Variants in PIK3CA observed in about 807,000 individuals in gnomAD.
The protein encoded by PIK3CA is phosphatidylinositol 4,5-bisphosphate 3-kinase catalytic subunit alpha isoform.
In PIK3CA, 27 loss-of-function variants were observed where a neutral mutation model predicts 138.2. The observed-to-expected ratio is 0.20, with a 90% CI of 0.14 to 0.27. The LOEUF is 0.27. Ranked by LOEUF, PIK3CA falls within the 10% of genes least tolerant of loss-of-function variation. PIK3CA has a pLI of 1.00. For synonymous variants in PIK3CA, 358 were observed against 413.2 expected (o/e 0.87, Z 1.62); for missense variants, 544 against 1,277.4 (o/e 0.43, Z 8.75).
chr3:179,181,819 C>G (rs922445916), intron 1 of PIK3CA, among the ~76,000 whole-genome samples: 1 of 151,990 alleles, frequency 6.6e-6, no homozygotes, highest in Non-Finnish European at 1.5e-5. Flanking sequence ...TTATTTTAAC[C>G]TTTAAAGTCT....
intron 1 of PIK3CA, among the ~76,000 whole-genome samples, chr3:179,197,041 T>A (rs1021927526): frequency 6.6e-6 from 1 of 152,148 alleles, no homozygotes; most frequent in Non-Finnish European, 1.5e-5. Context: ...GCTTATCTTT[T>A]TTTTTTCTTT....
chr3:179,179,342 C>A (rs147546266), intron 1 of PIK3CA, among the ~76,000 whole-genome samples: 6 of 152,302 alleles, frequency 3.9e-5, no homozygotes, highest in Non-Finnish European at 7.4e-5. Context: ...TGAATCCCAA[C>A]CTGTTGCACT....
intron 1 of PIK3CA, among the ~76,000 whole-genome samples, chr3:179,175,905 C>CA (rs1390243428): frequency 6.6e-6 from 1 of 152,228 alleles, no homozygotes; most frequent in Non-Finnish European, 1.5e-5. Context: ...CCTCAGTGGT[C>CA]ATTTATATTT....
intron 1 of PIK3CA, among the ~76,000 whole-genome samples, chr3:179,166,999 CAAT>C (rs1482830722): frequency 6.6e-6 from 1 of 152,012 alleles, no homozygotes; most frequent in Non-Finnish European, 1.5e-5. Context: ...CTTTTTCTGC[CAAT>C]ATTTCTGGAA....
intron 1 of PIK3CA, chr3:179,169,090 T>G (rs1235997082): frequency 6.6e-6 from 1 of 152,142 alleles, no homozygotes; most frequent in Admixed American, 6.5e-5. Context: ...CTGAGTCATA[T>G]CTCCTGAGGA....
At chr3:179,182,650 A>G (rs1723877843) in intron 1 of PIK3CA, among the ~76,000 whole-genome samples, 1 of 152,078 alleles carries the variant, frequency 6.6e-6, no homozygotes, top group African/African-American at 2.4e-5. Flanking sequence ...CAGCCTGGAT[A>G]ACTGAGAGAG....
rs1256902375 is a variant in PIK3CA, at chr3:179,230,043, T to C, written c.2706T>C (p.Ala902=). The C allele has an allele frequency of 6.2e-7, 1 of 1,613,474 alleles. No homozygotes were observed. The highest frequency in any genetic ancestry group is 8.5e-7 in the Non-Finnish European group (1 of 1,179,522). ...TTGACCTGTTTACACGTTCATGTGCTGGATACTGTGTAGCTACCTTCATTT... is the reference window on the plus strand; with the variant it reads ...TTGACCTGTTTACACGTTCATGTGCCGGATACTGTGTAGCTACCTTCATTT... ...AAIDLFTRSC[A]GYCVATFILG... is the part of the protein sequence containing the mutation. Residue 902 remains alanine (A), a synonymous_variant, in exon 19 of 21, where the codon GCT becomes GCC. Coordinates refer to ENST00000263967, the MANE Select transcript of PIK3CA (RefSeq NM_006218.4). This position sits in a 1 kb window ranked among gnomAD's most constrained non-coding sequence, Gnocchi z 5.4.
chr3:179,176,972 G>GT (rs1357167993), intron 1 of PIK3CA, among the ~76,000 whole-genome samples: 3 of 151,956 alleles, frequency 2.0e-5, no homozygotes, highest in Admixed American at 6.6e-5. Context: ...CATCAAACTT[G>GT]TTTTTTTCAG....
rs189299531 is a variant in PIK3CA at position 179,162,643 on chromosome 3, G to A, written c.-77+14040G>A. Among the ~76,000 whole-genome samples, 583 of 152,168 alleles carry A rather than the reference G, an allele frequency of 3.8e-3. 3 individuals carry two copies. Among genetic ancestry groups the A allele is most frequent in the Admixed American group, 9.2e-3 (140 of 15,296 alleles). ...TTAAAAATCAATAGTTCTTCCTTAT[G>A]ATAGCAGTAATTGTTTAGAAAACGG... On this transcript the variant is annotated intron_variant, in intron 1 of 20. Transcript: ENST00000263967.
chr3:179,190,739 T>C (rs1399751318), intron 1 of PIK3CA, among the ~76,000 whole-genome samples: 1 of 152,106 alleles, frequency 6.6e-6, no homozygotes, highest in Non-Finnish European at 1.5e-5. Flanking sequence ...AACTTGACAG[T>C]AGACAGATTA....
chr3:179,217,768 G>A (rs1410653427), intron 9 of PIK3CA, among the ~76,000 whole-genome samples: 1 of 151,802 alleles, frequency 6.6e-6, no homozygotes, highest in Non-Finnish European at 1.5e-5. Flanking sequence ...AGCTTTGCAG[G>A]GATCATAAGG....
intron 4 of PIK3CA, among the ~76,000 whole-genome samples, 174 bp from the exon 5 acceptor site, chr3:179,203,370 G>T (rs7623154): frequency 6.6e-6 from 1 of 151,982 alleles, no homozygotes; most frequent in South Asian, 2.1e-4. Context: ...GTGCTTCAAC[G>T]TAAATCCTAA....
At chr3:179,167,597 CTTT>C (rs1007089011) in intron 1 of PIK3CA, among the ~76,000 whole-genome samples, 1 of 152,106 alleles carries the variant, frequency 6.6e-6, no homozygotes, top group Non-Finnish European at 1.5e-5. Flanking sequence ...AATCCTCTTT[CTTT>C]TTAACTATAG....
At chr3:179,197,101 C>T (rs569367383) in intron 1 of PIK3CA, among the ~76,000 whole-genome samples, 33 of 151,928 alleles carry the variant, frequency 2.2e-4, no homozygotes, top group Non-Finnish European at 3.2e-4. Context: ...TGCAGTGGAG[C>T]GATCTCGGCT....
intron 1 of PIK3CA, among the ~76,000 whole-genome samples, chr3:179,190,632 CTTTT>C (rs1215291671): frequency 9.3e-5 from 14 of 150,944 alleles, no homozygotes; most frequent in Admixed American, 9.3e-4. Flanking sequence ...ATCAGAAAAG[CTTTT>C]TTTTTCTCTC....
At chr3:179,178,465 C>T (rs1723758991) in intron 1 of PIK3CA, among the ~76,000 whole-genome samples, 1 of 151,970 alleles carries the variant, frequency 6.6e-6, no homozygotes, top group Non-Finnish European at 1.5e-5. Flanking sequence ...AAATTCAAAC[C>T]ATCATGAGAT....
intron 1 of PIK3CA, among the ~76,000 whole-genome samples, chr3:179,172,136 A>G (rs1370613509): frequency 6.6e-6 from 1 of 152,006 alleles, no homozygotes; most frequent in East Asian, 1.9e-4. Context: ...GATATATTTG[A>G]AAAAAAAGTG....
At chr3:179,154,642 C>T (rs757641826) in intron 1 of PIK3CA, among the ~76,000 whole-genome samples, 12 of 152,130 alleles carry the variant, frequency 7.9e-5, no homozygotes, top group Non-Finnish European at 1.5e-4. Flanking sequence ...TATATTGATA[C>T]AATAGGAATT....
chr3:179,164,204 CTG>C (rs1343008872), intron 1 of PIK3CA, among the ~76,000 whole-genome samples: 1 of 152,052 alleles, frequency 6.6e-6, no homozygotes, highest in East Asian at 1.9e-4. Flanking sequence ...CCAGACAAAA[CTG>C]TAAGAGAATA....
Sources: gnomAD v4.1 joint callset for allele counts (sites outside exome capture counted in the v4.1 genomes callset) on GRCh38, gnomAD v4.1.1 for gene constraint, Gnocchi (gnomAD v3.1) non-coding constraint, MANE v1.5 for transcripts, NCBI Gene and HGNC (gene_info 2026-07-23, HGNC 2026-07-21) for gene names.